Variants in ALCAM observed in about 807,000 individuals in gnomAD.
ALCAM encodes activated leukocyte cell adhesion molecule.
A neutral mutation model predicts 70.9 loss-of-function variants in ALCAM; 30 were observed. That is an observed-to-expected ratio of 0.42 (90% CI 0.32 to 0.57). ALCAM has a LOEUF of 0.57. Ranked by LOEUF, ALCAM falls within the 20% of genes least tolerant of loss-of-function variation. The pLI is 0.11. For missense variants in ALCAM, 591 were observed against 695.1 expected (o/e 0.85, Z 1.68); for synonymous variants, 249 against 242.5 (o/e 1.03, Z -0.25).
At chr3:105,563,833 G>A (rs1344678321) in intron 14 of ALCAM, among the ~76,000 whole-genome samples, 3 of 149,294 alleles carry the variant, frequency 2.0e-5, no homozygotes, top group African/African-American at 7.4e-5. Context: ...GACTACAGGC[G>A]CCCGCCACCG....
chr3:105,569,172 T>C (rs2152635801), intron 14 of ALCAM, among the ~76,000 whole-genome samples: 1 of 151,878 alleles, frequency 6.6e-6, no homozygotes, highest in South Asian at 2.1e-4. Context: ...TTACTTTAGA[T>C]GAAAGGAGTG....
At chr3:105,432,592 A>G (rs1479520238) in intron 1 of ALCAM, among the ~76,000 whole-genome samples, 4 of 152,100 alleles carry the variant, frequency 2.6e-5, no homozygotes, top group Non-Finnish European at 5.9e-5. Flanking sequence ...ATCTGTAAAA[A>G]GGAAGTAATC....
chr3:105,462,546 A>G (rs1937618826), intron 1 of ALCAM, among the ~76,000 whole-genome samples: 1 of 151,458 alleles, frequency 6.6e-6, no homozygotes, highest in Non-Finnish European at 1.5e-5. Context: ...GTATCAAAGG[A>G]CCCATATTTG....
chr3:105,439,697 A>G (rs1163139411), intron 1 of ALCAM, among the ~76,000 whole-genome samples: 2 of 152,216 alleles, frequency 1.3e-5, no homozygotes, highest in African/African-American at 4.8e-5. Context: ...TGTCATGTGC[A>G]CTGAGATCAG....
chr3:105,564,703 G>T (rs1349833376), intron 14 of ALCAM, among the ~76,000 whole-genome samples: 3 of 152,154 alleles, frequency 2.0e-5, no homozygotes, highest in Non-Finnish European at 4.4e-5. Context: ...TTAATGAGGA[G>T]TAGTTGGACT....
At chr3:105,420,412 C>A (rs780911303) in intron 1 of ALCAM, among the ~76,000 whole-genome samples, 3 of 151,604 alleles carry the variant, frequency 2.0e-5, no homozygotes, top group African/African-American at 7.3e-5. Flanking sequence ...TAAAAATGAA[C>A]CCAACTTTGC....
At chr3:105,536,911 T>A (rs546976537) in intron 6 of ALCAM, among the ~76,000 whole-genome samples, 13 of 152,238 alleles carry the variant, frequency 8.5e-5, no homozygotes, top group Non-Finnish European at 2.9e-5. Flanking sequence ...CACCCTGGCC[T>A]TGAGTTTCTG....
At chr3:105,435,172 T>A (rs78080260) in intron 1 of ALCAM, among the ~76,000 whole-genome samples, 2,334 of 152,358 alleles carry the variant, frequency 0.015, 25 homozygotes, top group Middle Eastern at 0.048. Context: ...TGTATTTTTT[T>A]ATCTGTTTCT....
At chr3:105,393,771 C>A (rs1352830650) in intron 1 of ALCAM, among the ~76,000 whole-genome samples, 11 of 151,940 alleles carry the variant, frequency 7.2e-5, no homozygotes, top group East Asian at 1.9e-4. Flanking sequence ...AGATTTAGGA[C>A]TATTTGATGT....
At chr3:105,452,082 A>AT (rs1298624837) in intron 1 of ALCAM, among the ~76,000 whole-genome samples, 4 of 150,112 alleles carry the variant, frequency 2.7e-5, no homozygotes, top group Non-Finnish European at 4.5e-5. Context: ...TAGTGAAATA[A>AT]TTTTTTTTCA....
At chr3:105,484,267 T>C (rs1241836093) in intron 1 of ALCAM, among the ~76,000 whole-genome samples, 1 of 150,164 alleles carries the variant, frequency 6.7e-6, no homozygotes, top group Non-Finnish European at 1.5e-5. Context: ...ATTACTTTTG[T>C]TACATATACT....
chr3:105,510,003 A>G (rs1048303260), intron 1 of ALCAM, among the ~76,000 whole-genome samples: 1 of 152,008 alleles, frequency 6.6e-6, no homozygotes, highest in African/African-American at 2.4e-5. Context: ...TAGTCTACTA[A>G]TGTCAGTGGG....
intron 1 of ALCAM, among the ~76,000 whole-genome samples, chr3:105,470,136 C>CATAT (rs1937884487): frequency 2.0e-5 from 3 of 148,070 alleles, no homozygotes; most frequent in Non-Finnish European, 4.5e-5. Context: ...TATACATACA[C>CATAT]ACACACACAC....
intron 1 of ALCAM, among the ~76,000 whole-genome samples, chr3:105,501,917 C>T (rs1938931075): frequency 6.6e-6 from 1 of 152,140 alleles, no homozygotes; most frequent in Non-Finnish European, 1.5e-5. Context: ...CTAAAGCAAA[C>T]TCAAGTTACA....
At chr3:105,399,585 A>G (rs980625577) in intron 1 of ALCAM, among the ~76,000 whole-genome samples, 2 of 152,154 alleles carry the variant, frequency 1.3e-5, no homozygotes, top group African/African-American at 4.8e-5. Context: ...AGATTTCAGT[A>G]TGAAAAAAAG....
At chr3:105,530,186 C>G (rs944213254) in intron 3 of ALCAM, among the ~76,000 whole-genome samples, 5 of 152,014 alleles carry the variant, frequency 3.3e-5, no homozygotes, top group African/African-American at 1.2e-4. Context: ...ACTTACACCC[C>G]AAGAATTTTC....
intron 4 of ALCAM, 24 bp downstream of exon 4, chr3:105,532,090 C>A: frequency 1.3e-6 from 2 of 1,596,376 alleles, no homozygotes; most frequent in South Asian, 1.1e-5. Flanking sequence ...TTGATTAATA[C>A]CTTTATTTAG....
chr3:105,458,142 A>G (rs1412492502), intron 1 of ALCAM, among the ~76,000 whole-genome samples: 1 of 151,922 alleles, frequency 6.6e-6, no homozygotes, highest in East Asian at 1.9e-4. Flanking sequence ...ACCTGCAACT[A>G]GGGGCCTCAC....
chr3:105,560,565 A>G (rs1414414416), intron 14 of ALCAM, among the ~76,000 whole-genome samples: 21 of 152,148 alleles, frequency 1.4e-4, no homozygotes, highest in Admixed American at 1.2e-3. Context: ...AATTTTTCCT[A>G]TTATGTTCGT....
Sources: gnomAD v4.1 joint callset for allele counts (sites outside exome capture counted in the v4.1 genomes callset) on GRCh38, gnomAD v4.1.1 for gene constraint, MANE v1.5 for transcripts, NCBI Gene and HGNC (gene_info 2026-07-23, HGNC 2026-07-21) for gene names.